RBKS: variants seen among roughly 807,000 people sequenced by gnomAD.
The protein encoded by RBKS is ribokinase.
In RBKS, 33 loss-of-function variants were observed where a neutral mutation model predicts 33.9. The ratio of observed to expected loss-of-function variants is 0.97; its 90% CI spans 0.74 to 1.30. RBKS has a LOEUF of 1.30. RBKS is among the 50% of genes most tolerant of loss of function. The pLI is 0.00. For synonymous variants in RBKS, 125 were observed against 143.0 expected (o/e 0.87, Z 0.90); for missense variants, 361 against 392.6 (o/e 0.92, Z 0.68).
At chr2:27,854,728 G>A (rs1247573176) in intron 2 of RBKS, among the ~76,000 whole-genome samples, 1 of 150,818 alleles carries the variant, frequency 6.6e-6, no homozygotes, top group Non-Finnish European at 1.5e-5. Flanking sequence ...CTGCAGCACT[G>A]GTTCAATCAA....
intron 7 of RBKS, among the ~76,000 whole-genome samples, chr2:27,791,658 C>A (rs1210840732): frequency 0.024 from 3,469 of 142,440 alleles, 50 homozygotes; most frequent in African/African-American, 0.051. Context: ...TATACATATA[C>A]ATATACATAT....
chr2:27,878,537 T>C (rs1241043470), intron 1 of RBKS, among the ~76,000 whole-genome samples: 1 of 152,186 alleles, frequency 6.6e-6, no homozygotes, highest in Non-Finnish European at 1.5e-5. Flanking sequence ...GTCCTTTGGA[T>C]ATATACCCAG....
intron 7 of RBKS, among the ~76,000 whole-genome samples, chr2:27,801,678 T>C (rs1457102919): frequency 6.6e-6 from 1 of 151,908 alleles, no homozygotes; most frequent in Non-Finnish European, 1.5e-5. Flanking sequence ...AGAAAAGAGA[T>C]TTAACTGGCT....
intron 1 of RBKS, among the ~76,000 whole-genome samples, chr2:27,866,289 T>C (rs1664096656): frequency 1.3e-5 from 2 of 152,228 alleles, no homozygotes; most frequent in African/African-American, 4.8e-5. Flanking sequence ...TCAATCTTTG[T>C]TCCTCTATAT....
chr2:27,796,584 C>A (rs1197303547), intron 7 of RBKS, among the ~76,000 whole-genome samples: 2 of 152,086 alleles, frequency 1.3e-5, no homozygotes, highest in African/African-American at 4.8e-5. Context: ...ATTGAGGAAG[C>A]TGGGGAATCA....
intron 2 of RBKS, among the ~76,000 whole-genome samples, chr2:27,854,750 CT>C (rs773901822): frequency 3.7e-3 from 498 of 133,408 alleles, no homozygotes; most frequent in Admixed American, 4.3e-3. Flanking sequence ...GTTGCTTTTT[CT>C]TTTTTTTTTT....
chr2:27,828,861 T>A (rs1182387127), intron 6 of RBKS, among the ~76,000 whole-genome samples: 1 of 152,216 alleles, frequency 6.6e-6, no homozygotes, highest in Non-Finnish European at 1.5e-5. Flanking sequence ...TAATGAATGT[T>A]AATCTTAATT....
chr2:27,789,679 C>T (rs1677470350), intron 7 of RBKS, among the ~76,000 whole-genome samples: 1 of 151,870 alleles, frequency 6.6e-6, no homozygotes, highest in Admixed American at 6.6e-5. Flanking sequence ...ATTCTCCTGC[C>T]TTAGCCTCCC....
In RBKS at chr2:27,848,062, T is replaced by C. The variant is rs1321987430; in HGVS notation, c.258A>G (p.Glu86=). 5 of 1,507,464 alleles carry C rather than the reference T, an allele frequency of 3.3e-6. No homozygotes were observed. Among genetic ancestry groups the C allele is most frequent in the African/African-American group, 2.7e-5 (2 of 72,836 alleles). 93.4% of individuals were successfully genotyped at this position (1,507,464 alleles called of 1,614,324 possible). ...TAGAAATATCATTCTGTTTTAAGTT[T>C]TCTATATAATCATTGCCAAAAGAAT... ...GKDSFGNDYI[E]NLKQNDISTE... The change falls in exon 3 of 8, where the codon GAA becomes GAG. Residue 86 remains glutamate (E), a synonymous_variant. Coordinates refer to ENST00000302188, the MANE Select transcript of RBKS (RefSeq NM_022128.3).
intron 5 of RBKS, among the ~76,000 whole-genome samples, chr2:27,840,339 C>CAT (rs1256898670): frequency 7.4e-6 from 1 of 134,552 alleles, no homozygotes; most frequent in Non-Finnish European, 1.5e-5. Context: ...CACACACACA[C>CAT]ACACACACAC....
intron 1 of RBKS, among the ~76,000 whole-genome samples, chr2:27,860,919 T>G (rs141699401): frequency 6.6e-6 from 1 of 152,318 alleles, no homozygotes; most frequent in Non-Finnish European, 1.5e-5. Context: ...TATTTGCTGA[T>G]TGAACAGATT....
chr2:27,847,391 A>AT (rs1663642597), intron 3 of RBKS, among the ~76,000 whole-genome samples: 1 of 152,178 alleles, frequency 6.6e-6, no homozygotes, highest in South Asian at 2.1e-4. Flanking sequence ...ATACATATGC[A>AT]TTTTTCTAGA....
At position 27,848,045 on chromosome 2, in the gene RBKS, T is replaced by C. The variant is rs758477415; in HGVS notation, c.275A>G (p.Asp92Gly). ...NDYIENLKQN[D>G]ISTEFTYQTK... ...GGTGGGAATTTTACCTGTAGAAATA[T>C]CATTCTGTTTTAAGTTTTCTATATA... The change falls in exon 3 of 8, where the codon GAT (aspartate) becomes GGT (glycine). Residue 92 changes from aspartate to glycine, a missense_variant. Asp to Gly is a moderately conservative substitution (Grantham distance 94, BLOSUM62 -1). Transcript: ENST00000302188. 2.0e-6 allele frequency: 3 copies of C among 1,487,144 alleles called. No homozygotes were observed. Among genetic ancestry groups the C allele is most frequent in the East Asian group, 2.3e-5 (1 of 43,798 alleles). The allele number at this position is 1,487,144 out of a possible 1,614,324, so 92.1% of individuals were successfully genotyped here. A position where few individuals can be genotyped will look rare whatever the true frequency, so the allele number is the denominator to read the frequency against.
intron 6 of RBKS, among the ~76,000 whole-genome samples, chr2:27,828,971 C>T (rs528083061): frequency 1.3e-5 from 2 of 152,280 alleles, no homozygotes; most frequent in Admixed American, 6.5e-5. Flanking sequence ...TAGCTCACTA[C>T]AGCCTCAAAC....
intron 7 of RBKS, among the ~76,000 whole-genome samples, chr2:27,802,898 C>A (rs1011787333): frequency 6.6e-6 from 1 of 152,190 alleles, no homozygotes; most frequent in East Asian, 1.9e-4. Flanking sequence ...CAGGACTGAG[C>A]GGTCTGTTTG....
intron 2 of RBKS, among the ~76,000 whole-genome samples, chr2:27,855,143 C>T (rs1663830312): frequency 6.6e-6 from 1 of 152,144 alleles, no homozygotes; most frequent in Non-Finnish European, 1.5e-5. Flanking sequence ...TTGGCTAAGC[C>T]CCTCAGGGCA....
At chr2:27,826,384 G>A (rs1295920604) in intron 7 of RBKS, among the ~76,000 whole-genome samples, 2 of 151,020 alleles carry the variant, frequency 1.3e-5, no homozygotes, top group African/African-American at 4.9e-5. Flanking sequence ...TACTTTTCTA[G>A]TCAGCTCTCC....
At chr2:27,842,871 T>TA (rs1270355857) in intron 5 of RBKS, among the ~76,000 whole-genome samples, 196 bp downstream of exon 5, 1 of 152,060 alleles carries the variant, frequency 6.6e-6, no homozygotes, top group Non-Finnish European at 1.5e-5. Flanking sequence ...TCGGAAATGC[T>TA]ACTCATGTTT....
chr2:27,785,161 C>T (rs1029752288), intron 7 of RBKS, among the ~76,000 whole-genome samples: 26 of 151,612 alleles, frequency 1.7e-4, no homozygotes, highest in Non-Finnish European at 3.2e-4. Context: ...TAACCCCAGA[C>T]GGAAAACATA....
Sources: gnomAD v4.1 joint callset for allele counts (sites outside exome capture counted in the v4.1 genomes callset) on GRCh38, gnomAD v4.1.1 for gene constraint, MANE v1.5 for transcripts, NCBI Gene and HGNC (gene_info 2026-07-23, HGNC 2026-07-21) for gene names.